PHF14: variants seen among roughly 807,000 people sequenced by gnomAD.
PHF14 encodes PHD finger protein 14.
A neutral mutation model predicts 117.9 loss-of-function variants in PHF14; 55 were observed. That is an observed-to-expected ratio of 0.47 (90% CI 0.38 to 0.58). The LOEUF (loss-of-function observed/expected upper bound fraction) is 0.58. Ranked by LOEUF, PHF14 falls within the 20% of genes least tolerant of loss-of-function variation. The probability of loss-of-function intolerance (pLI) is 0.00; values close to 1 mark genes in which losing one functional copy is unlikely to be tolerated. For missense variants in PHF14, 978 were observed against 1,122.2 expected, an observed-to-expected ratio of 0.87 and a Z score of 1.84; for synonymous variants, 409 against 368.6, an observed-to-expected ratio of 1.11 and a Z score of -1.26.
intron 3 of PHF14, among the ~76,000 whole-genome samples, chr7:10,988,684 A>G (rs1782333321): frequency 6.6e-6 from 1 of 152,054 alleles, no homozygotes; most frequent in East Asian, 1.9e-4. Context: ...AGTGTAATAA[A>G]TTATCAGTTC....
intron 16 of PHF14, among the ~76,000 whole-genome samples, chr7:11,074,110 A>T (rs1785729544): frequency 6.6e-6 from 1 of 152,106 alleles, no homozygotes; most frequent in Admixed American, 6.6e-5. Flanking sequence ...CTTGGCTATT[A>T]TCATTTGTCT....
At chr7:11,011,748 G>T (rs78032961) in intron 4 of PHF14, among the ~76,000 whole-genome samples, 2,970 of 152,218 alleles carry the variant, frequency 0.02, 38 homozygotes, top group Middle Eastern at 0.044. Context: ...TTAGGGCAGT[G>T]CCTTCCTTTT....
intron 16 of PHF14, among the ~76,000 whole-genome samples, chr7:11,072,524 C>T (rs1376601854): frequency 6.6e-6 from 1 of 152,082 alleles, no homozygotes; most frequent in Non-Finnish European, 1.5e-5. Flanking sequence ...TATAAAATAG[C>T]AATAAACAAT....
intron 16 of PHF14, among the ~76,000 whole-genome samples, chr7:11,073,304 G>A (rs1299752941): frequency 6.6e-6 from 1 of 152,148 alleles, no homozygotes; most frequent in African/African-American, 2.4e-5. Context: ...CAGACATTGG[G>A]TAAACATTCC....
chr7:11,038,241 G>C (rs1353723160), intron 10 of PHF14, among the ~76,000 whole-genome samples: 1 of 151,942 alleles, frequency 6.6e-6, no homozygotes, highest in Non-Finnish European at 1.5e-5. Context: ...GACCAGCCTG[G>C]CCAACATGGC....
Position 11,040,695 on chromosome 7 carries a change from G to A in PHF14, c.2100G>A (p.Leu700=), listed in dbSNP as rs1282825806. Residue 700 remains leucine (L), a synonymous_variant, in exon 12 of 18, where the codon TTG becomes TTA. Transcript: ENST00000634607. ...TGQKLNIPAI[L]RAPKERKPSK... Reference sequence around the variant, plus strand: ...AGAAGTTGAATATACCGGCAATTTTGCGAGCACCCAAGGAGAGAAAACCAA... The same window carrying A: ...AGAAGTTGAATATACCGGCAATTTTACGAGCACCCAAGGAGAGAAAACCAA... 6.4e-7 allele frequency: 1 copy of A among 1,560,356 alleles called. No homozygotes were observed. Among genetic ancestry groups the A allele is most frequent in the Non-Finnish European group, 8.7e-7 (1 of 1,151,114 alleles).
chr7:11,147,901 A>G (rs1788592475), intron 17 of PHF14, among the ~76,000 whole-genome samples: 1 of 152,172 alleles, frequency 6.6e-6, no homozygotes, highest in South Asian at 2.1e-4. Context: ...AGATTGGCTC[A>G]AACTTAATGT....
chr7:11,087,850 A>T (rs1235812315), intron 16 of PHF14, among the ~76,000 whole-genome samples: 2 of 152,212 alleles, frequency 1.3e-5, no homozygotes, highest in African/African-American at 4.8e-5. Flanking sequence ...ATTTAGGAAC[A>T]TTAGGATTAT....
intron 16 of PHF14, among the ~76,000 whole-genome samples, chr7:11,065,412 A>T (rs1290543546): frequency 6.6e-6 from 1 of 152,086 alleles, no homozygotes; most frequent in Non-Finnish European, 1.5e-5. Context: ...TGGCACATTT[A>T]ATGATCAGAA....
At chr7:11,104,342 T>A in intron 16 of PHF14, 1 of 975,964 alleles carries the variant, frequency 1.0e-6, no homozygotes, top group Non-Finnish European at 1.2e-6. Context: ...AAAAGTATAG[T>A]TGAAGTAAGA....
rs115605324 is a variant in PHF14, at chr7:11,140,705, G to A, written c.2773-28711G>A. On this transcript the variant is annotated intron_variant, in intron 17 of 17. Coordinates refer to ENST00000634607, the MANE Select transcript of PHF14 (RefSeq NM_001007157.2). ...TTCAAGCAAGGAAGTTGAAATAATA[G>A]GATTTTAAACATGGTCAAATAATAG... is the stretch of plus-strand genomic sequence containing the variant. Among the ~76,000 whole-genome samples, 1,222 of 152,036 alleles carry A rather than the reference G, an allele frequency of 8.0e-3. 11 individuals carry two copies. The highest frequency in any genetic ancestry group is 0.028 in the African/African-American group (1,165 of 41,468).
chr7:11,003,186 G>C (rs753294558), intron 4 of PHF14, among the ~76,000 whole-genome samples: 1 of 152,124 alleles, frequency 6.6e-6, no homozygotes, highest in Non-Finnish European at 1.5e-5. Flanking sequence ...TGGTCCGCCC[G>C]CCTTGGCCTC....
intron 13 of PHF14, among the ~76,000 whole-genome samples, chr7:11,044,947 T>C (rs530064149): frequency 9.2e-5 from 14 of 152,306 alleles, no homozygotes; most frequent in Non-Finnish European, 1.3e-4. Context: ...ATGAACATTT[T>C]CTTTGACTGT....
At chr7:11,002,070 A>G (rs117660600) in intron 4 of PHF14, among the ~76,000 whole-genome samples, 2,127 of 152,030 alleles carry the variant, frequency 0.014, 51 homozygotes, top group East Asian at 0.1. Context: ...TTTGAGACAG[A>G]GTCTCACTCT....
intron 16 of PHF14, chr7:11,104,710 GACT>G: frequency 1.3e-6 from 1 of 785,214 alleles, no homozygotes; most frequent in Non-Finnish European, 1.5e-6. Context: ...AAACACAGGT[GACT>G]ACCCTATTCC....
chr7:11,066,510 C>T (rs1562448316), intron 16 of PHF14, among the ~76,000 whole-genome samples: 1 of 152,132 alleles, frequency 6.6e-6, no homozygotes, highest in Non-Finnish European at 1.5e-5. Context: ...GTCCAGGTGA[C>T]AAAAACTTTC....
rs1784330828 is a variant in PHF14 at position 11,036,525 on chromosome 7, C to T, written c.1710C>T (p.Thr570=). The T allele has an allele frequency of 1.2e-6, 2 of 1,613,986 alleles. No homozygotes were observed. Among genetic ancestry groups the T allele is most frequent in the African/African-American group, 1.3e-5 (1 of 75,058 alleles). The part of the protein sequence containing the change: ...VPREKLPRPL[T]SSASAIRKLM... Reference sequence around the variant, plus strand: ...GGGAAAAATTGCCCAGACCACTCACCAGCAGTGCTTCAGCTATTCGTAAAC... The same window carrying T: ...GGGAAAAATTGCCCAGACCACTCACTAGCAGTGCTTCAGCTATTCGTAAAC... Residue 570 remains threonine, a synonymous_variant, in exon 9 of 18, where the codon ACC becomes ACT. Coordinates refer to ENST00000634607, the MANE Select transcript of PHF14 (RefSeq NM_001007157.2).
At chr7:11,032,546 G>A (rs1463971892) in intron 7 of PHF14, among the ~76,000 whole-genome samples, 3 of 151,598 alleles carry the variant, frequency 2.0e-5, no homozygotes, top group African/African-American at 7.3e-5. Flanking sequence ...ATGGCATCTA[G>A]AGGACCACAA....
intron 4 of PHF14, among the ~76,000 whole-genome samples, chr7:10,991,398 G>A (rs1457729202): frequency 6.6e-6 from 1 of 151,986 alleles, no homozygotes; most frequent in African/African-American, 2.4e-5. Flanking sequence ...GGCTGGTCTT[G>A]AACTCCTGAC....
Sources: gnomAD v4.1 joint callset for allele counts (sites outside exome capture counted in the v4.1 genomes callset) on GRCh38, gnomAD v4.1.1 for gene constraint, MANE v1.5 for transcripts, NCBI Gene and HGNC (gene_info 2026-07-23, HGNC 2026-07-21) for gene names.